The following KCNJ13 variants were observed in gnomAD, a reference collection of about 807,000 sequenced individuals.
KCNJ13 encodes inward rectifier potassium channel 13.
KCNJ13 carries 9 observed loss-of-function variants against 24.6 expected under a neutral mutation model. That is an observed-to-expected ratio of 0.37 (90% CI 0.22 to 0.64). The LOEUF (loss-of-function observed/expected upper bound fraction) is 0.64. KCNJ13 is among the 30% of genes least tolerant of loss of function. The probability of loss-of-function intolerance (pLI) is 0.64; values close to 1 mark genes in which losing one functional copy is unlikely to be tolerated. For missense variants in KCNJ13, 337 were observed against 443.8 expected (o/e 0.76, Z 2.16); for synonymous variants, 148 against 154.7 (o/e 0.96, Z 0.32).
chr2:232,772,409 TTAAAAG>T (rs1699304704), intron 1 of KCNJ13, among the ~76,000 whole-genome samples: 1 of 152,172 alleles, frequency 6.6e-6, no homozygotes, highest in Non-Finnish European at 1.5e-5. Flanking sequence ...AGCATTAGCT[TTAAAAG>T]TAAGTAAACT....
In KCNJ13 at chr2:232,768,127, A is replaced by G; in HGVS notation, c.*64T>C. ...ATTGAAAAAAGAAAACATGAGATAC[A>G]GTAAAGAAAAAGTAGCTGCATAACT... On this transcript the variant is annotated 3_prime_UTR_variant, in exon 3 of 3. Coordinates refer to ENST00000233826, the MANE Select transcript of KCNJ13 (RefSeq NM_002242.4). 5 of 1,521,540 alleles carry G rather than the reference A, an allele frequency of 3.3e-6. No homozygotes were observed. In the South Asian group the frequency reaches 5.7e-5, roughly 17 times the overall value. 94.3% of individuals were successfully genotyped at this position (1,521,540 alleles called of 1,614,324 possible). A position where few individuals can be genotyped will look rare whatever the true frequency, so the allele number is the denominator to read the frequency against.
chr2:232,768,636 T>G lies in KCNJ13; in HGVS notation c.638A>C (p.Glu213Ala). ...RVSAVLYQER[E>A]NGKLYQTSVD... ...ACTGGTCTGGTAGAGTTTGCCATTT[T>G]CTCTTTCCTGATAGAGTACAGCTGA... The change falls in exon 3 of 3, where the codon GAA (glutamate) becomes GCA (alanine). Residue 213 changes from glutamate (E) to alanine (A), a missense_variant. Physicochemically the swap from Glu to Ala is moderately radical, Grantham distance 107. Transcript: ENST00000233826. The G allele has an allele frequency of 6.2e-7, 1 of 1,614,110 alleles. No individual in the cohort carries two copies. The highest frequency in any genetic ancestry group is 1.6e-4 in the Middle Eastern group (1 of 6,062).
chr2:232,770,842 C>T (rs1375848349), intron 2 of KCNJ13, 61 bp downstream of exon 2: 19 of 1,162,524 alleles, frequency 1.6e-5, no homozygotes, highest in African/African-American at 3.1e-5. Context: ...TTCCAAACAC[C>T]TGTAGTTTTG....
intron 2 of KCNJ13, among the ~76,000 whole-genome samples, chr2:232,770,261 T>C (rs928623731): frequency 2.6e-5 from 4 of 152,218 alleles, no homozygotes; most frequent in Non-Finnish European, 4.4e-5. Context: ...AAATTATGTA[T>C]GTCACATAAA....
intron 1 of KCNJ13, among the ~76,000 whole-genome samples, chr2:232,771,735 T>G (rs2106340413): frequency 6.6e-6 from 1 of 152,320 alleles, no homozygotes; most frequent in East Asian, 1.9e-4. Context: ...GACCAAATAT[T>G]GTGTATAAAG....
At chr2:232,769,464 G>A (rs1232527877) in intron 2 of KCNJ13, among the ~76,000 whole-genome samples, 2 of 135,892 alleles carry the variant, frequency 1.5e-5, no homozygotes, top group Admixed American at 1.7e-4. Context: ...CAAGTTTGTA[G>A]CACTGCACTC....
At chr2:232,770,486 G>GA (rs1161780568) in intron 2 of KCNJ13, among the ~76,000 whole-genome samples, 5 of 151,630 alleles carry the variant, frequency 3.3e-5, no homozygotes, top group African/African-American at 4.8e-5. Context: ...GCTCAGTGAA[G>GA]AAAAAAAACC....
intron 1 of KCNJ13, 97 bp downstream of exon 1, chr2:232,776,348 C>A: frequency 1.2e-6 from 1 of 828,096 alleles, no homozygotes; most frequent in Non-Finnish European, 2.0e-6. Flanking sequence ...TTTTAAAAAT[C>A]TGTTGGAAGT....
At chr2:232,773,842 CA>C (rs1159606926) in intron 1 of KCNJ13, among the ~76,000 whole-genome samples, 4 of 139,706 alleles carry the variant, frequency 2.9e-5, no homozygotes, top group African/African-American at 1.1e-4. Context: ...GAGGCCGAGA[CA>C]GGAGGATTGC....
In KCNJ13 at chr2:232,768,136, A is replaced by T; in HGVS notation, c.*55T>A. The T allele has an allele frequency of 6.4e-7, 1 of 1,573,698 alleles. No homozygotes were observed. Among genetic ancestry groups the T allele is most frequent in the Non-Finnish European group, 8.7e-7 (1 of 1,145,426 alleles). On this transcript the variant is annotated 3_prime_UTR_variant, in exon 3 of 3. Transcript: ENST00000233826. ...AGAAAACATGAGATACAGTAAAGAAAAAGTAGCTGCATAACTGGCTGGGTG... is the reference window on the plus strand; with the variant it reads ...AGAAAACATGAGATACAGTAAAGAATAAGTAGCTGCATAACTGGCTGGGTG...
At chr2:232,775,683 A>G (rs1216152240) in intron 1 of KCNJ13, among the ~76,000 whole-genome samples, 1 of 152,220 alleles carries the variant, frequency 6.6e-6, no homozygotes, top group Admixed American at 6.5e-5. Context: ...ATCAGAATTC[A>G]TTCTACTCAT....
Position 232,776,529 on chromosome 2 carries a change from A to C in KCNJ13, c.-101T>G. ...CTGCCTTTTTGATCAGATAATTTTAATCTACAAGTCTAGTTTGTAGGTTCT... is the reference window on the plus strand; with the variant it reads ...CTGCCTTTTTGATCAGATAATTTTACTCTACAAGTCTAGTTTGTAGGTTCT... On this transcript the variant is annotated 5_prime_UTR_variant, in exon 1 of 3. Coordinates refer to ENST00000233826, the MANE Select transcript of KCNJ13 (RefSeq NM_002242.4). The C allele has an allele frequency of 1.0e-6, 1 of 996,200 alleles. No homozygotes were observed. Among genetic ancestry groups the C allele is most frequent in the Non-Finnish European group, 1.6e-6 (1 of 633,104 alleles). 61.7% of individuals were successfully genotyped at this position (996,200 alleles called of 1,614,324 possible).
rs758581367 is a variant in KCNJ13, at chr2:232,768,263, A to C, written c.1011T>G (p.Thr337=). ...GTCCATTGATGTGGATATCCAGGTC[A>C]GTCCTGTTTGGGCTTTTAGAAACCA... ...TPLVSKSPNR[T]DLDIHINGQS... is the part of the protein sequence containing the mutation. Residue 337 remains threonine, a synonymous_variant, in exon 3 of 3, where the codon ACT becomes ACG. Transcript: ENST00000233826. The C allele has an allele frequency of 1.5e-5, 25 of 1,613,980 alleles. 1 individual carries two copies. Among genetic ancestry groups the C allele is most frequent in the Non-Finnish European group, 2.0e-5 (24 of 1,179,918 alleles).
At position 232,767,377 on chromosome 2, in the gene KCNJ13, T is replaced by G. The variant is rs903781626; in HGVS notation, c.*814A>C. The G allele has an allele frequency of 6.6e-6, 1 of 152,304 alleles. No homozygotes were observed. Among genetic ancestry groups the G allele is most frequent in the South Asian group, 2.1e-4 (1 of 4,836 alleles). The allele number at this position is 152,304 out of a possible 1,614,324, so 9.4% of individuals were successfully genotyped here. The stretch of plus-strand genomic sequence containing the variant: ...TTTATATGATCAAATGAATCATACA[T>G]AGGAGGGGAATGTTTTTACTTAGGT... On this transcript the variant is annotated 3_prime_UTR_variant, in exon 3 of 3. Coordinates refer to ENST00000233826, the MANE Select transcript of KCNJ13 (RefSeq NM_002242.4).
chr2:232,770,857 G>GTTTTGT (rs763335927), intron 2 of KCNJ13, 46 bp downstream of exon 2: 9 of 1,390,600 alleles, frequency 6.5e-6, no homozygotes, highest in Non-Finnish European at 9.1e-6. Flanking sequence ...GTTTTGTTTT[G>GTTTTGT]TTTTGTTTTT....
chr2:232,771,896 G>A (rs575447527), intron 1 of KCNJ13, among the ~76,000 whole-genome samples: 2 of 152,314 alleles, frequency 1.3e-5, no homozygotes, highest in East Asian at 3.9e-4. Flanking sequence ...GCCAGATTTA[G>A]TATAGGACAA....
chr2:232,769,184 A>G (rs1574857785), intron 2 of KCNJ13, among the ~76,000 whole-genome samples: 1 of 152,320 alleles, frequency 6.6e-6, no homozygotes, highest in East Asian at 1.9e-4. Flanking sequence ...ACGTTGAAGT[A>G]GAGACTAGGT....
In KCNJ13 at chr2:232,771,368, G is replaced by A. The variant is rs749819205; in HGVS notation, c.-6C>T. 4 of 1,596,766 alleles carry A rather than the reference G, an allele frequency of 2.5e-6. No individual in the cohort carries two copies. The Admixed American group carries it at 6.7e-5, about 27-fold the overall frequency. ...TTGCAATTACTGCTGTCCATCTCAG[G>A]CTGTATTTCTCTAAAATCAAGAGTA... On this transcript the variant is annotated 5_prime_UTR_variant, in exon 2 of 3. Coordinates refer to ENST00000233826, the MANE Select transcript of KCNJ13 (RefSeq NM_002242.4).
chr2:232,775,603 T>C (rs1327195355), intron 1 of KCNJ13, among the ~76,000 whole-genome samples: 3 of 152,160 alleles, frequency 2.0e-5, no homozygotes, highest in Non-Finnish European at 4.4e-5. Context: ...CTGTAAAATA[T>C]TTGCCCATTT....
Sources: gnomAD v4.1 joint callset for allele counts (sites outside exome capture counted in the v4.1 genomes callset) on GRCh38, gnomAD v4.1.1 for gene constraint, MANE v1.5 for transcripts, NCBI Gene and HGNC (gene_info 2026-07-23, HGNC 2026-07-21) for gene names.